RBSN: variants seen among roughly 807,000 people sequenced by gnomAD.
RBSN encodes rabenosyn-5.
RBSN carries 34 observed loss-of-function variants against 60.5 expected under a neutral mutation model. The ratio of observed to expected loss-of-function variants is 0.56; its 90% CI spans 0.43 to 0.75. The LOEUF is 0.75. Among genes scored for constraint, RBSN ranks in the 30% least tolerant of loss-of-function variants. RBSN has a pLI of 0.00. For synonymous variants in RBSN, 322 were observed against 366.9 expected (o/e 0.88, Z 1.40); for missense variants, 845 against 986.8 (o/e 0.86, Z 1.92).
At chr3:15,089,896 C>T (rs995544990) in intron 5 of RBSN, among the ~76,000 whole-genome samples, 5 of 152,138 alleles carry the variant, frequency 3.3e-5, no homozygotes, top group African/African-American at 1.2e-4. Flanking sequence ...CCGCGCCCAG[C>T]TTAGGATTTT....
intron 9 of RBSN, chr3:15,081,563 T>C (rs2043205074): frequency 1.3e-5 from 2 of 152,344 alleles, no homozygotes; most frequent in African/African-American, 4.8e-5. Context: ...CCATTTCTAG[T>C]AGCCTGAGTA....
chr3:15,078,826 A>G (rs1325093940), intron 10 of RBSN, among the ~76,000 whole-genome samples: 1 of 101,938 alleles, frequency 9.8e-6, no homozygotes, highest in African/African-American at 3.4e-5. Context: ...ATATATATAC[A>G]TGGTTTTGTT....
At position 15,071,856 on chromosome 3, in the gene RBSN, T is replaced by G. The variant is rs1464651452; in HGVS notation, c.*1926A>C. On this transcript the variant is annotated 3_prime_UTR_variant, in exon 14 of 14. Coordinates refer to ENST00000253699, the MANE Select transcript of RBSN (RefSeq NM_022340.4). ...GCATAAAGTGACTAGTGGTCAGTTA[T>G]TGTTCATTAGTTCAGATGAGTAACT... 6.5e-6 allele frequency: 1 copy of G among 152,676 alleles called. No homozygotes were observed. 9.5% of individuals were successfully genotyped at this position (152,676 alleles called of 1,614,324 possible).
Position 15,073,435 on chromosome 3 carries a change from G to A in RBSN, c.*347C>T. 4.1e-6 allele frequency: 1 copy of A among 246,196 alleles called. No individual in the cohort carries two copies. Among genetic ancestry groups the A allele is most frequent in the African/African-American group, 2.3e-5 (1 of 44,140 alleles). The allele number at this position is 246,196 out of a possible 1,614,324, so 15.3% of individuals were successfully genotyped here. ...AAATGGACCCAAGAGGTACACAGCAGCCATTTCTGCCCTGGGCCCAACAGA... is the reference window on the plus strand; with the variant it reads ...AAATGGACCCAAGAGGTACACAGCAACCATTTCTGCCCTGGGCCCAACAGA... On this transcript the variant is annotated 3_prime_UTR_variant, in exon 14 of 14. Coordinates refer to ENST00000253699, the MANE Select transcript of RBSN (RefSeq NM_022340.4).
At chr3:15,089,456 C>CAAAAAAAAAAACAAAAAAA in intron 5 of RBSN, among the ~76,000 whole-genome samples, 1 of 31,464 alleles carries the variant, frequency 3.2e-5, no homozygotes. Context: ...ACTCCATCTC[C>CAAAAAAAAAAACAAAAAAA]AAAAAAAAAA....
chr3:15,086,089 T>G, intron 5 of RBSN, 128 bp from the exon 6 acceptor site: 1 of 111,842 alleles, frequency 8.9e-6, no homozygotes, highest in Non-Finnish European at 1.6e-5. Flanking sequence ...CCCGTCTCTC[T>G]CCAAAAAAAA....
Position 15,074,711 on chromosome 3 carries a change from C to CGGCCTT in RBSN, c.1420_1425dup (p.Lys474_Ala475dup). 1 of 1,614,260 alleles carries CGGCCTT rather than the reference C, an allele frequency of 6.2e-7. No individual in the cohort carries two copies. The highest frequency in any genetic ancestry group is 8.5e-7 in the Non-Finnish European group (1 of 1,180,052). ...GTGCGCACTTCATCCATGCGGCCCG[C>CGGCCTT]GGCCTTGGCCTGCCTGATGAATGAT... On this transcript the variant is annotated inframe_insertion, in exon 14 of 14. Transcript: ENST00000253699. This position sits in a 1 kb window ranked among gnomAD's most constrained non-coding sequence, Gnocchi z 6.4.
At chr3:15,075,978 C>A (rs371928767) in intron 12 of RBSN, among the ~76,000 whole-genome samples, 7 of 152,050 alleles carry the variant, frequency 4.6e-5, no homozygotes, top group African/African-American at 1.7e-4. Flanking sequence ...CTTGTCCCTG[C>A]CCATCCTATT....
Position 15,096,163 on chromosome 3 carries a change from C to A in RBSN, c.-43G>T. 6.6e-7 allele frequency: 1 copy of A among 1,520,364 alleles called. No homozygotes were observed. The highest frequency in any genetic ancestry group is 8.8e-7 in the Non-Finnish European group (1 of 1,137,798). 94.2% of individuals were successfully genotyped at this position (1,520,364 alleles called of 1,614,324 possible). A position where few individuals can be genotyped will look rare whatever the true frequency, so the allele number is the denominator to read the frequency against. ...CCCTAGGAAGGCAGGAATCTCATGCCAAGAGTCAGCTTGATTCCTCCCAAG... is the reference window on the plus strand; with the variant it reads ...CCCTAGGAAGGCAGGAATCTCATGCAAAGAGTCAGCTTGATTCCTCCCAAG... On this transcript the variant is annotated 5_prime_UTR_variant, in exon 4 of 14. Transcript: ENST00000253699.
In RBSN at chr3:15,082,744, C is replaced by A; in HGVS notation, c.599-136G>T. 1 of 1,271,668 alleles carries A rather than the reference C, an allele frequency of 7.9e-7. No individual in the cohort carries two copies. The highest frequency in any genetic ancestry group is 2.6e-5 in the East Asian group (1 of 39,008). The allele number at this position is 1,271,668 out of a possible 1,614,324, so 78.8% of individuals were successfully genotyped here. A position where few individuals can be genotyped will look rare whatever the true frequency, so the allele number is the denominator to read the frequency against. On this transcript the variant is annotated intron_variant, in intron 8 of 13. Transcript: ENST00000253699. The surrounding 1 kb of genome is among the most constrained non-coding windows in gnomAD (Gnocchi z 4.2). ...AGGCTCCAGCTGTGGGCACGTACTG[C>A]CCCTCTGCCTTCCTGGTGTCAGACT...
intron 13 of RBSN, 38 bp downstream of exon 13, chr3:15,075,568 C>T: frequency 6.4e-7 from 1 of 1,571,152 alleles, no homozygotes; most frequent in Non-Finnish European, 8.8e-7. Context: ...TTGAGAGCCA[C>T]AGGAGGAAGC....
chr3:15,085,249 C>T (rs1236229887), intron 6 of RBSN, among the ~76,000 whole-genome samples: 1 of 152,168 alleles, frequency 6.6e-6, no homozygotes, highest in African/African-American at 2.4e-5. Flanking sequence ...CTTCCTATAA[C>T]CCACTTCTAA....
chr3:15,095,820 A>T, intron 4 of RBSN, 153 bp downstream of exon 4: 1 of 938,406 alleles, frequency 1.1e-6, no homozygotes, highest in Non-Finnish European at 1.6e-6. Context: ...AAACAGGGAA[A>T]CTCTGAAAAC....
intron 4 of RBSN, among the ~76,000 whole-genome samples, chr3:15,090,904 G>A (rs1018931568): frequency 6.6e-6 from 1 of 152,150 alleles, no homozygotes; most frequent in Admixed American, 6.5e-5. Flanking sequence ...GAGTGGTGGT[G>A]AAGTGGGTAT....
intron 5 of RBSN, among the ~76,000 whole-genome samples, chr3:15,088,266 C>G (rs2125175083): frequency 6.6e-6 from 1 of 152,346 alleles, no homozygotes; most frequent in East Asian, 1.9e-4. Context: ...CCCCAGTAAT[C>G]TCACATGGGC....
At chr3:15,090,165 G>A (rs1365890569) in intron 5 of RBSN, among the ~76,000 whole-genome samples, 3 of 152,162 alleles carry the variant, frequency 2.0e-5, no homozygotes, top group African/African-American at 4.8e-5. Context: ...CTCATGAGGT[G>A]CAGTGAAGAT....
At chr3:15,097,143 G>A (rs935527627) in intron 2 of RBSN, among the ~76,000 whole-genome samples, 4 of 152,114 alleles carry the variant, frequency 2.6e-5, no homozygotes, top group Non-Finnish European at 4.4e-5. Context: ...TTACAGATGT[G>A]AGCCACTGCA....
At position 15,096,215 on chromosome 3, in the gene RBSN, T is replaced by A; in HGVS notation, c.-95A>T. On this transcript the variant is annotated 5_prime_UTR_variant, in exon 4 of 14. The change abolishes the stop of an existing upstream ORF in the 5' untranslated region. Transcript: ENST00000253699. ...AACCATGGTTCCCGCAGCATTAGCTTAAGCAGCACACAGATGGTGAGGAAG... is the reference window on the plus strand; with the variant it reads ...AACCATGGTTCCCGCAGCATTAGCTAAAGCAGCACACAGATGGTGAGGAAG... 1 of 1,365,282 alleles carries A rather than the reference T, an allele frequency of 7.3e-7. No individual in the cohort carries two copies. The allele number at this position is 1,365,282 out of a possible 1,614,324, so 84.6% of individuals were successfully genotyped here.
chr3:15,082,684 G>A lies in RBSN; in HGVS notation c.599-76C>T. 6.5e-7 allele frequency: 1 copy of A among 1,538,616 alleles called. No homozygotes were observed. The highest frequency in any genetic ancestry group is 8.8e-7 in the Non-Finnish European group (1 of 1,137,108). ...CCATACCCACGACCTCAAGGTGTCA[G>A]TCCACAGGTGTTTGATTTGGAGAGT... is the stretch of plus-strand genomic sequence containing the variant. On this transcript the variant is annotated intron_variant, in intron 8 of 13. Coordinates refer to ENST00000253699, the MANE Select transcript of RBSN (RefSeq NM_022340.4). This position sits in a 1 kb window ranked among gnomAD's most constrained non-coding sequence, Gnocchi z 4.2.
Sources: gnomAD v4.1 joint callset for allele counts (sites outside exome capture counted in the v4.1 genomes callset) on GRCh38, gnomAD v4.1.1 for gene constraint, Gnocchi (gnomAD v3.1) non-coding constraint, MANE v1.5 for transcripts, NCBI Gene and HGNC (gene_info 2026-07-23, HGNC 2026-07-21) for gene names.